Variants in ALOX5 observed in about 807,000 individuals in gnomAD.
The protein encoded by ALOX5 is arachidonate 5-lipoxygenase.
In ALOX5, 64 loss-of-function variants were observed where a neutral mutation model predicts 87.9. The observed-to-expected ratio is 0.73, with a 90% CI of 0.60 to 0.90. The LOEUF (loss-of-function observed/expected upper bound fraction) is 0.90. Ranked by LOEUF, ALOX5 falls within the 40% of genes least tolerant of loss-of-function variation. ALOX5 has a pLI of 0.00. For missense variants in ALOX5, 822 were observed against 907.5 expected, an observed-to-expected ratio of 0.91 and a Z score of 1.21; for synonymous variants, 388 against 355.1, an observed-to-expected ratio of 1.09 and a Z score of -1.04.
At chr10:45,393,425 A>G (rs1334754017) in intron 2 of ALOX5, among the ~76,000 whole-genome samples, 2 of 152,226 alleles carry the variant, frequency 1.3e-5, no homozygotes, top group East Asian at 3.8e-4. Flanking sequence ...AAAAACTCTC[A>G]ATAAATTAGG....
At position 45,446,033 on chromosome 10, in the gene ALOX5, C is replaced by G. The variant is rs892930523; in HGVS notation, c.*346C>G. 2.2e-5 allele frequency: 6 copies of G among 278,288 alleles called. No homozygotes were observed. Among genetic ancestry groups the G allele is most frequent in the Non-Finnish European group, 4.0e-5 (6 of 149,258 alleles). The allele number at this position is 278,288 out of a possible 1,614,324, so 17.2% of individuals were successfully genotyped here. ...TGTTCTATTTGTGCTTAGTCCAATTCCTTGCACATAGTAGGTACCCAATTC... is the reference window on the plus strand; with the variant it reads ...TGTTCTATTTGTGCTTAGTCCAATTGCTTGCACATAGTAGGTACCCAATTC... On this transcript the variant is annotated 3_prime_UTR_variant, in exon 14 of 14. Coordinates refer to ENST00000374391, the MANE Select transcript of ALOX5 (RefSeq NM_000698.5).
At chr10:45,402,560 T>C (rs1840739205) in intron 3 of ALOX5, among the ~76,000 whole-genome samples, 1 of 152,154 alleles carries the variant, frequency 6.6e-6, no homozygotes, top group African/African-American at 2.4e-5. Flanking sequence ...TTGATTAGAC[T>C]TAAAAGTTAA....
chr10:45,423,762 G>C (rs553618885), intron 4 of ALOX5, among the ~76,000 whole-genome samples: 2 of 152,186 alleles, frequency 1.3e-5, no homozygotes, highest in African/African-American at 4.8e-5. Context: ...GCAAGTGCCC[G>C]ATGAGTGAAT....
chr10:45,378,019 G>C (rs1393247584), intron 1 of ALOX5, among the ~76,000 whole-genome samples: 4 of 152,006 alleles, frequency 2.6e-5, no homozygotes, highest in Admixed American at 1.3e-4. Flanking sequence ...ACCCACTTCT[G>C]TCCCCAGAAA....
At chr10:45,399,813 C>T (rs979405473) in intron 3 of ALOX5, among the ~76,000 whole-genome samples, 1 of 152,006 alleles carries the variant, frequency 6.6e-6, no homozygotes, top group Non-Finnish European at 1.5e-5. Flanking sequence ...GTACAAAAAA[C>T]CCCGTTTAAA....
chr10:45,377,027 T>C (rs1839640033), intron 1 of ALOX5, among the ~76,000 whole-genome samples: 1 of 152,212 alleles, frequency 6.6e-6, no homozygotes, highest in Non-Finnish European at 1.5e-5. Flanking sequence ...CTGTAACAGA[T>C]CTGAAGATTT....
chr10:45,382,758 A>T (rs772320206), intron 2 of ALOX5, 77 bp downstream of exon 2: 18 of 1,506,978 alleles, frequency 1.2e-5, no homozygotes, highest in Non-Finnish European at 1.6e-5. Context: ...CACTGTAGTC[A>T]TAGGAGGAAT....
At chr10:45,378,870 C>T (rs1436309496) in intron 1 of ALOX5, among the ~76,000 whole-genome samples, 1 of 152,160 alleles carries the variant, frequency 6.6e-6, no homozygotes, top group Non-Finnish European at 1.5e-5. Context: ...CAGGCCTGGC[C>T]CCCTCCTGCT....
At chr10:45,410,930 C>T (rs1393312699) in intron 3 of ALOX5, among the ~76,000 whole-genome samples, 1 of 152,224 alleles carries the variant, frequency 6.6e-6, no homozygotes, top group Non-Finnish European at 1.5e-5. Context: ...AGAAAGGCTA[C>T]TCCATAGGCA....
intron 2 of ALOX5, 133 bp from the exon 3 acceptor site, chr10:45,395,722 C>T: frequency 1.4e-6 from 1 of 692,424 alleles, no homozygotes; most frequent in Non-Finnish European, 2.5e-6. Flanking sequence ...GGGAAGTGCT[C>T]TGAGGCTCAA....
intron 8 of ALOX5, 87 bp downstream of exon 8, chr10:45,440,720 G>A: frequency 1.4e-6 from 2 of 1,414,606 alleles, no homozygotes. Context: ...AGGGGGACCT[G>A]TGGCTGGGAG....
chr10:45,443,431 G>A lies in ALOX5; in HGVS notation c.1467G>A (p.Val489=), dbSNP rs763018509. The change falls in exon 11 of 14, where the codon GTG becomes GTA. Residue 489 remains valine, a synonymous_variant. Transcript: ENST00000374391. ...CCTGAGCCAGGTTCACGGCCGAGGTGGTAGACATCTACTACGAGGGCGACC... is the reference window on the plus strand; with the variant it reads ...CCTGAGCCAGGTTCACGGCCGAGGTAGTAGACATCTACTACGAGGGCGACC... ...WEAIRTFTAE[V]VDIYYEGDQV... The A allele has an allele frequency of 1.9e-6, 3 of 1,607,612 alleles. No individual in the cohort carries two copies. The South Asian group carries it at 3.3e-5, about 18-fold the overall frequency.
At chr10:45,416,843 GAGAT>G (rs750824796) in intron 4 of ALOX5, among the ~76,000 whole-genome samples, 5 of 146,474 alleles carry the variant, frequency 3.4e-5, no homozygotes, top group Non-Finnish European at 5.9e-5. Flanking sequence ...GACAGATAGT[GAGAT>G]GGATGGATGG....
chr10:45,445,294 C>T (rs1335128945), intron 13 of ALOX5, among the ~76,000 whole-genome samples: 1 of 152,258 alleles, frequency 6.6e-6, no homozygotes, highest in African/African-American at 2.4e-5. Context: ...GAAGCCCCAG[C>T]CCTGGAGCCT....
At chr10:45,411,361 A>G (rs746023180) in intron 3 of ALOX5, among the ~76,000 whole-genome samples, 1 of 152,228 alleles carries the variant, frequency 6.6e-6, no homozygotes, top group Non-Finnish European at 1.5e-5. Context: ...GCTGCCCAGT[A>G]GGTCTCAGCC....
Position 45,382,699 on chromosome 10 carries a change from C to T in ALOX5, c.349+18C>T, listed in dbSNP as rs1306394337. The T allele has an allele frequency of 6.2e-7, 1 of 1,605,202 alleles. No homozygotes were observed. The highest frequency in any genetic ancestry group is 8.5e-7 in the Non-Finnish European group (1 of 1,175,794). The stretch of plus-strand genomic sequence containing the variant: ...TGGACGCGGTGAGCAGCTCAGGCCC[C>T]TTCTGCCCCGGGCTTCCCAAGAACC... On this transcript the variant is annotated intron_variant, in intron 2 of 13. Transcript: ENST00000374391.
At chr10:45,429,684 T>C (rs1841848471) in intron 7 of ALOX5, among the ~76,000 whole-genome samples, 1 of 152,208 alleles carries the variant, frequency 6.6e-6, no homozygotes, top group Admixed American at 6.5e-5. Context: ...ACTGCAGAAA[T>C]ACTGCTCTGT....
At chr10:45,386,477 AAAAAT>A (rs1370835756) in intron 2 of ALOX5, among the ~76,000 whole-genome samples, 4 of 151,880 alleles carry the variant, frequency 2.6e-5, no homozygotes, top group Non-Finnish European at 5.9e-5. Flanking sequence ...TAAAAAAAAT[AAAAAT>A]AAAATAAATA....
At chr10:45,404,026 G>A (rs1840790845) in intron 3 of ALOX5, among the ~76,000 whole-genome samples, 1 of 152,176 alleles carries the variant, frequency 6.6e-6, no homozygotes, top group Non-Finnish European at 1.5e-5. Context: ...AATTAGTGGG[G>A]CTCTAATTAG....
Sources: gnomAD v4.1 joint callset for allele counts (sites outside exome capture counted in the v4.1 genomes callset) on GRCh38, gnomAD v4.1.1 for gene constraint, MANE v1.5 for transcripts, NCBI Gene and HGNC (gene_info 2026-07-23, HGNC 2026-07-21) for gene names.